The following GALNT18 variants were observed in gnomAD, a reference collection of about 807,000 sequenced individuals.
GALNT18 encodes the protein polypeptide N-acetylgalactosaminyltransferase 18, also known as GalNAc-transferase 18.
A neutral mutation model predicts 69.5 loss-of-function variants in GALNT18; 44 were observed. That is an observed-to-expected ratio of 0.63 (90% CI 0.50 to 0.81). The LOEUF (loss-of-function observed/expected upper bound fraction) is 0.81, where lower values mean the gene tolerates loss of function less well. Among genes scored for constraint, GALNT18 ranks in the 40% least tolerant of loss-of-function variants. GALNT18 has a pLI of 0.00. For missense variants in GALNT18, 715 were observed against 810.0 expected, an observed-to-expected ratio of 0.88 and a Z score of 1.42; for synonymous variants, 364 against 318.2, an observed-to-expected ratio of 1.14 and a Z score of -1.53.
chr11:11,465,484 C>T lies in GALNT18; in HGVS notation c.236-16548G>A, dbSNP rs149460632. Among the ~76,000 whole-genome samples the T allele has an allele frequency of 7.3e-4, 111 of 152,250 alleles. No homozygotes were observed. The highest frequency in any genetic ancestry group is 1.7e-3 in the South Asian group (8 of 4,822). ...CCCTCTGATCCTGGGGCTCGTGATC[C>T]GTATCCATGGCAGCTCAGTAGCCAC... is the stretch of plus-strand genomic sequence containing the variant. On this transcript the variant is annotated intron_variant, in intron 1 of 10. Coordinates refer to ENST00000227756, the MANE Select transcript of GALNT18 (RefSeq NM_198516.3). This position sits in a 1 kb window ranked among gnomAD's most constrained non-coding sequence, Gnocchi z 5.7.
chr11:11,521,319 G>A (rs1003605050), intron 1 of GALNT18, among the ~76,000 whole-genome samples: 2 of 152,112 alleles, frequency 1.3e-5, no homozygotes, highest in Non-Finnish European at 2.9e-5. Flanking sequence ...TAAAACCTTG[G>A]AAAGTCTGTC....
chr11:11,376,785 GA>G (rs1352758456), intron 5 of GALNT18, among the ~76,000 whole-genome samples: 1 of 152,104 alleles, frequency 6.6e-6, no homozygotes, highest in Non-Finnish European at 1.5e-5. Flanking sequence ...GCTGCCCTCT[GA>G]AAAGCATTTC....
intron 3 of GALNT18, among the ~76,000 whole-genome samples, chr11:11,411,489 C>A (rs962081609): frequency 2.0e-5 from 3 of 152,208 alleles, no homozygotes; most frequent in African/African-American, 7.2e-5. Context: ...GAGCTCAATG[C>A]ATCCTGATTG....
At chr11:11,416,679 TC>T (rs2133766423) in intron 3 of GALNT18, among the ~76,000 whole-genome samples, 1 of 152,174 alleles carries the variant, frequency 6.6e-6, no homozygotes, top group African/African-American at 2.4e-5. Context: ...GGTTATTTAC[TC>T]CCAGATGGCA....
chr11:11,293,255 A>C, intron 9 of GALNT18, 62 bp from the exon 10 acceptor site: 1 of 1,278,070 alleles, frequency 7.8e-7, no homozygotes, highest in Non-Finnish European at 1.0e-6. Context: ...ACAGGAGCAT[A>C]GGTGGTGATT....
In GALNT18 at chr11:11,352,476, A is replaced by C. The variant is rs762976243; in HGVS notation, c.1093-11472T>G. On this transcript the variant is annotated intron_variant, in intron 6 of 10. Transcript: ENST00000227756. ...TGCCAGCATACAACCCAATCTCCACATATCCAAACTATAATCGTACATCTG... is the reference window on the plus strand; with the variant it reads ...TGCCAGCATACAACCCAATCTCCACCTATCCAAACTATAATCGTACATCTG... The C allele has an allele frequency of 1.1e-5, 18 of 1,614,066 alleles. No homozygotes were observed. The East Asian group carries it at 4.0e-4, about 36-fold the overall frequency.
intron 1 of GALNT18, among the ~76,000 whole-genome samples, chr11:11,525,118 T>C (rs1287247905): frequency 1.2e-4 from 19 of 152,088 alleles, no homozygotes; most frequent in Admixed American, 1.2e-3. Flanking sequence ...TACATATATA[T>C]GCATGAATAC....
At chr11:11,326,439 C>T (rs1422860479) in intron 9 of GALNT18, among the ~76,000 whole-genome samples, 2 of 152,202 alleles carry the variant, frequency 1.3e-5, no homozygotes, top group South Asian at 2.1e-4. Context: ...CATTCTTGGT[C>T]AAGGGTTGTC....
At chr11:11,284,652 A>G (rs16909323) in intron 10 of GALNT18, among the ~76,000 whole-genome samples, 16,868 of 152,254 alleles carry the variant, frequency 0.11, 1,260 homozygotes, top group East Asian at 0.22. Flanking sequence ...TGCTTATTTT[A>G]GAATTCCCAT....
At chr11:11,373,400 G>A (rs1412213637) in intron 5 of GALNT18, among the ~76,000 whole-genome samples, 2 of 152,240 alleles carry the variant, frequency 1.3e-5, no homozygotes, top group African/African-American at 4.8e-5. Flanking sequence ...GAGAAAGGGA[G>A]AGGAATCTGG....
rs1856139643 is a variant in GALNT18, at chr11:11,465,648, T to C, written c.236-16712A>G. 6.6e-6 allele frequency among the ~76,000 whole-genome samples: 1 copy of C among 151,894 alleles called. No individual in the cohort carries two copies. Among genetic ancestry groups the C allele is most frequent in the East Asian group, 2.0e-4 (1 of 5,128 alleles). ...GCTGATCAGGGGTAGAGAAATGGAG[T>C]GCCCAGACCACTTCATACACTTGCT... On this transcript the variant is annotated intron_variant, in intron 1 of 10. Coordinates refer to ENST00000227756, the MANE Select transcript of GALNT18 (RefSeq NM_198516.3). This position sits in a 1 kb window ranked among gnomAD's most constrained non-coding sequence, Gnocchi z 5.7.
At position 11,340,291 on chromosome 11, in the gene GALNT18, T is replaced by TGTCTAAAAACTGCCCAGAATAACAC. The variant is rs1554918735; in HGVS notation, c.1278+527_1278+528insGTGTTATTCTGGGCAGTTTTTAGAC. 6.6e-6 allele frequency among the ~76,000 whole-genome samples: 1 copy of TGTCTAAAAACTGCCCAGAATAACAC among 151,912 alleles called. No homozygotes were observed. Among genetic ancestry groups the TGTCTAAAAACTGCCCAGAATAACAC allele is most frequent in the Admixed American group, 6.6e-5 (1 of 15,262 alleles). On this transcript the variant is annotated intron_variant, in intron 7 of 10. Transcript: ENST00000227756. The surrounding 1 kb of genome is among the most constrained non-coding windows in gnomAD (Gnocchi z 4.2). Reference sequence around the variant, plus strand: ...ATGATGAGGCTCTGTGAAGGTTAACTCCATCTCCTAGTGAAGGTCCCTGTA... The same window carrying TGTCTAAAAACTGCCCAGAATAACAC: ...ATGATGAGGCTCTGTGAAGGTTAACTGTCTAAAAACTGCCCAGAATAACACCCATCTCCTAGTGAAGGTCCCTGTA...
At position 11,613,650 on chromosome 11, in the gene GALNT18, T is replaced by C. The variant is rs1367164199; in HGVS notation, c.235+7709A>G. 6.6e-6 allele frequency among the ~76,000 whole-genome samples: 1 copy of C among 152,084 alleles called. No individual in the cohort carries two copies. The highest frequency in any genetic ancestry group is 1.5e-5 in the Non-Finnish European group (1 of 68,006). ...AGCTGACTCTAACCCCAAAGGCAAG[T>C]GAGATTCAATAACAATTGTAGGAGC... is the stretch of plus-strand genomic sequence containing the variant. On this transcript the variant is annotated intron_variant, in intron 1 of 10. Coordinates refer to ENST00000227756, the MANE Select transcript of GALNT18 (RefSeq NM_198516.3). The surrounding 1 kb of genome is among the most constrained non-coding windows in gnomAD (Gnocchi z 4.2).
chr11:11,323,214 C>T (rs1047384521), intron 9 of GALNT18, among the ~76,000 whole-genome samples: 1 of 152,188 alleles, frequency 6.6e-6, no homozygotes, highest in African/African-American at 2.4e-5. Flanking sequence ...CTCTAAAGTC[C>T]AAAGTCTCAT....
rs34041184 is a variant in GALNT18 at position 11,505,352 on chromosome 11, GT to G, written c.236-56417del. 0.092 allele frequency among the ~76,000 whole-genome samples: 14,008 copies of G among 152,234 alleles called. 794 individuals carry two copies. The highest frequency in any genetic ancestry group is 0.16 in the Middle Eastern group (48 of 294). On this transcript the variant is annotated intron_variant, in intron 1 of 10. Coordinates refer to ENST00000227756, the MANE Select transcript of GALNT18 (RefSeq NM_198516.3). This position sits in a 1 kb window ranked among gnomAD's most constrained non-coding sequence, Gnocchi z 4.6. ...AGACCACACTAAGATAACAGTGTGA[GT>G]TACCAGATTCTTGAATCTCTATGAA...
In GALNT18 at chr11:11,459,689, G is replaced by A. The variant is rs1855998461; in HGVS notation, c.236-10753C>T. Among the ~76,000 whole-genome samples, 1 of 152,198 alleles carries A rather than the reference G, an allele frequency of 6.6e-6. No homozygotes were observed. Among genetic ancestry groups the A allele is most frequent in the Non-Finnish European group, 1.5e-5 (1 of 68,036 alleles). ...AATAATGTCTATGTCTAAGCTTGTT[G>A]CAAAGATTAAGTGAGATGATGGACA... On this transcript the variant is annotated intron_variant, in intron 1 of 10. Coordinates refer to ENST00000227756, the MANE Select transcript of GALNT18 (RefSeq NM_198516.3). The surrounding 1 kb of genome is among the most constrained non-coding windows in gnomAD (Gnocchi z 5.0).
chr11:11,490,040 TG>T (rs1231276941), intron 1 of GALNT18, among the ~76,000 whole-genome samples: 2 of 152,250 alleles, frequency 1.3e-5, no homozygotes, highest in Non-Finnish European at 2.9e-5. Context: ...TGTTGGAACA[TG>T]GTGCCTAATG....
intron 9 of GALNT18, among the ~76,000 whole-genome samples, chr11:11,294,911 G>T (rs1415060290): frequency 1.3e-5 from 2 of 151,980 alleles, no homozygotes; most frequent in Non-Finnish European, 2.9e-5. Context: ...AACAAACCAA[G>T]ATACCACACT....
rs577701988 is a variant in GALNT18 at position 11,402,416 on chromosome 11, G to A, written c.596-23152C>T. On this transcript the variant is annotated intron_variant, in intron 3 of 10. Coordinates refer to ENST00000227756, the MANE Select transcript of GALNT18 (RefSeq NM_198516.3). This position sits in a 1 kb window ranked among gnomAD's most constrained non-coding sequence, Gnocchi z 4.0. ...AATCATAAACTGCTTTTATCTTATT[G>A]AACCAGGCTTTGATGGTGGGTGGCT... 2.6e-5 allele frequency among the ~76,000 whole-genome samples: 4 copies of A among 152,204 alleles called. No homozygotes were observed. Among genetic ancestry groups the A allele is most frequent in the Non-Finnish European group, 5.9e-5 (4 of 68,036 alleles).
Sources: allele counts gnomAD v4.1 joint callset (sites outside exome capture counted in the v4.1 genomes callset), GRCh38; gene constraint gnomAD v4.1.1; non-coding constraint Gnocchi (gnomAD v3.1); transcripts MANE v1.5; gene names NCBI Gene and HGNC (gene_info 2026-07-23, HGNC 2026-07-21).